Variants in AIPL1 observed in about 807,000 individuals in gnomAD.
AIPL1 encodes AIP like 1 HSP90 co-chaperone.
AIPL1 carries 23 observed loss-of-function variants against 32.9 expected under a neutral mutation model. That is an observed-to-expected ratio of 0.70 (90% CI 0.50 to 0.99). The LOEUF is 0.99. AIPL1 is among the 50% of genes least tolerant of loss of function. The probability of loss-of-function intolerance (pLI) is 0.00; values close to 1 mark genes in which losing one functional copy is unlikely to be tolerated. For synonymous variants in AIPL1, 210 were observed against 209.4 expected (o/e 1.00, Z -0.02); for missense variants, 485 against 506.0 (o/e 0.96, Z 0.40).
chr17:6,429,831 GATAGATAGATAGATAGA>G (rs1567640447), intron 2 of AIPL1, among the ~76,000 whole-genome samples: 254 of 117,458 alleles, frequency 2.2e-3, no homozygotes, highest in African/African-American at 7.0e-3. Flanking sequence ...TAGGTAGATA[GATAGATAGATAGATAGA>G]TAGATAGATA....
rs151204387 is a variant in AIPL1, at chr17:6,428,479, G to T, written c.304C>A (p.Arg102=). The part of the protein sequence containing the change: ...IHTGVYPILS[R]SLRQMAQGKD... ...CCCTGGGCCATCTGCCTCAGGCTCCGGGATAGGATGGGGTAGACCCCCGTG... is the reference window on the plus strand; with the variant it reads ...CCCTGGGCCATCTGCCTCAGGCTCCTGGATAGGATGGGGTAGACCCCCGTG... Residue 102 remains arginine, a synonymous_variant, in exon 3 of 6, where the codon CGG becomes AGG. Transcript: ENST00000381129. 6.2e-7 allele frequency: 1 copy of T among 1,613,962 alleles called. No homozygotes were observed. The highest frequency in any genetic ancestry group is 8.5e-7 in the Non-Finnish European group (1 of 1,180,016).
chr17:6,427,324 T>C (rs560602459), intron 3 of AIPL1, among the ~76,000 whole-genome samples: 130 of 152,336 alleles, frequency 8.5e-4, no homozygotes, highest in African/African-American at 3.0e-3. Flanking sequence ...GTTAGAACAA[T>C]ACACTATTGC....
At chr17:6,433,611 T>TCTCTCTCTCTCACACACA (rs758622569) in intron 2 of AIPL1, among the ~76,000 whole-genome samples, 1 of 106,258 alleles carries the variant, frequency 9.4e-6, no homozygotes, top group African/African-American at 3.7e-5. Flanking sequence ...TCTCTCTCTC[T>TCTCTCTCTCTCACACACA]CACACACACA....
At chr17:6,425,903 T>A (rs946071924) in intron 5 of AIPL1, 73 bp from the exon 6 acceptor site, 1 of 1,542,628 alleles carries the variant, frequency 6.5e-7, no homozygotes, top group Non-Finnish European at 8.7e-7. Context: ...CAGCTGGGAC[T>A]CACCAGCCTC....
At position 6,425,262 on chromosome 17, in the gene AIPL1, G is replaced by T; in HGVS notation, c.*198C>A. 1 of 618,120 alleles carries T rather than the reference G, an allele frequency of 1.6e-6. No individual in the cohort carries two copies. The highest frequency in any genetic ancestry group is 2.5e-6 in the Non-Finnish European group (1 of 393,738). 38.3% of individuals were successfully genotyped at this position (618,120 alleles called of 1,614,324 possible). On this transcript the variant is annotated 3_prime_UTR_variant, in exon 6 of 6. Coordinates refer to ENST00000381129, the MANE Select transcript of AIPL1 (RefSeq NM_014336.5). Reference sequence around the variant, plus strand: ...CACGGAAGGAATGAGAGGGGTAGAGGAGAAAACTACTTTTATTCATAAGCT... The same window carrying T: ...CACGGAAGGAATGAGAGGGGTAGAGTAGAAAACTACTTTTATTCATAAGCT...
chr17:6,431,739 T>C (rs1337583089), intron 2 of AIPL1, among the ~76,000 whole-genome samples: 1 of 152,140 alleles, frequency 6.6e-6, no homozygotes, highest in African/African-American at 2.4e-5. Context: ...CTGCCACCAA[T>C]GGTGAAAGTC....
chr17:6,432,756 GAGTAGC>G (rs1192693885), intron 2 of AIPL1, among the ~76,000 whole-genome samples: 3 of 151,904 alleles, frequency 2.0e-5, no homozygotes, highest in Admixed American at 6.6e-5. Context: ...TCAGCCTCCT[GAGTAGC>G]TGGGATTACA....
At chr17:6,426,434 G>C (rs977898044) in intron 5 of AIPL1, 181 bp downstream of exon 5, 2 of 1,462,712 alleles carry the variant, frequency 1.4e-6, no homozygotes, top group Non-Finnish European at 1.8e-6. Flanking sequence ...GCCGCCCCGC[G>C]CCAAGCACTG....
intron 2 of AIPL1, among the ~76,000 whole-genome samples, chr17:6,433,034 T>A (rs1270862430): frequency 6.6e-6 from 1 of 152,048 alleles, no homozygotes; most frequent in Non-Finnish European, 1.5e-5. Flanking sequence ...CAGCCGCGGG[T>A]TGATGGTGGC....
intron 1 of AIPL1, 123 bp downstream of exon 1, chr17:6,434,886 C>T (rs777494254): frequency 2.0e-6 from 3 of 1,526,088 alleles, no homozygotes; most frequent in East Asian, 2.4e-5. Context: ...GGAGGCCCAG[C>T]GCTGGGGCTG....
At position 6,425,296 on chromosome 17, in the gene AIPL1, C is replaced by A. The variant is rs1166950496; in HGVS notation, c.*164G>T. ...ACTTTTATTCATAAGCTCTTCTGTA[C>A]CCTTGGGATTGTTTTTTTTTTTTTT... On this transcript the variant is annotated 3_prime_UTR_variant, in exon 6 of 6. Transcript: ENST00000381129. 6 of 897,208 alleles carry A rather than the reference C, an allele frequency of 6.7e-6. No individual in the cohort carries two copies. The African/African-American group carries it at 1.1e-4, about 16-fold the overall frequency. The allele number at this position is 897,208 out of a possible 1,614,324, so 55.6% of individuals were successfully genotyped here. A position where few individuals can be genotyped will look rare whatever the true frequency, so the allele number is the denominator to read the frequency against.
At chr17:6,427,665 C>T (rs1196487251) in intron 3 of AIPL1, among the ~76,000 whole-genome samples, 2 of 152,138 alleles carry the variant, frequency 1.3e-5, no homozygotes, top group South Asian at 2.1e-4. Context: ...CCTCTCCCGC[C>T]ACTAGAGAAC....
At chr17:6,432,132 C>G (rs1567642345) in intron 2 of AIPL1, among the ~76,000 whole-genome samples, 1 of 152,174 alleles carries the variant, frequency 6.6e-6, no homozygotes, top group Non-Finnish European at 1.5e-5. Flanking sequence ...GGCCTGTAAT[C>G]CCAGCACTTT....
chr17:6,428,501 C>T lies in AIPL1; in HGVS notation c.282G>A (p.Thr94=), dbSNP rs367611167. The change falls in exon 3 of 6, where the codon ACG becomes ACA. Residue 94 remains threonine (T), a synonymous_variant. Transcript: ENST00000381129. ...VAEFWCDTIH[T]GVYPILSRSL... The stretch of plus-strand genomic sequence containing the variant: ...TCCGGGATAGGATGGGGTAGACCCC[C>T]GTGTGCTGTGGGGATAAACGGATGG... 17 of 1,613,782 alleles carry T rather than the reference C, an allele frequency of 1.1e-5. No homozygotes were observed. Among genetic ancestry groups the T allele is most frequent in the Middle Eastern group, 1.6e-4 (1 of 6,084 alleles).
At chr17:6,432,507 T>A (rs757533178) in intron 2 of AIPL1, among the ~76,000 whole-genome samples, 1 of 152,204 alleles carries the variant, frequency 6.6e-6, no homozygotes, top group Non-Finnish European at 1.5e-5. Context: ...AACTCATTCA[T>A]TTATAAAGAA....
Position 6,425,240 on chromosome 17 carries a change from G to A in AIPL1, c.*220C>T, listed in dbSNP as rs770728890. ...ACAGGGTCAATTAAAACCATGGCAC[G>A]GAAGGAATGAGAGGGGTAGAGGAGA... On this transcript the variant is annotated 3_prime_UTR_variant, in exon 6 of 6. Transcript: ENST00000381129. The A allele has an allele frequency of 1.0e-5, 5 of 481,898 alleles. No individual in the cohort carries two copies. The highest frequency in any genetic ancestry group is 2.0e-5 in the African/African-American group (1 of 50,912). The allele number at this position is 481,898 out of a possible 1,614,324, so 29.9% of individuals were successfully genotyped here.
intron 2 of AIPL1, among the ~76,000 whole-genome samples, chr17:6,431,955 A>G (rs1056695629): frequency 6.6e-6 from 1 of 152,236 alleles, no homozygotes; most frequent in Non-Finnish European, 1.5e-5. Flanking sequence ...CCCACTTTCA[A>G]TTTATCAAAA....
At position 6,434,112 on chromosome 17, in the gene AIPL1, C is replaced by T. The variant is rs770614172; in HGVS notation, c.97-14G>A. 9.6e-5 allele frequency: 155 copies of T among 1,611,376 alleles called. No individual in the cohort carries two copies. The highest frequency in any genetic ancestry group is 1.6e-4 in the Middle Eastern group (1 of 6,080). ...ATGAAAGATCACCTAGTCACCGAGA[C>T]GGTGCACTCTGCTCTAGACACACTG... On this transcript the variant is annotated splice_polypyrimidine_tract_variant and intron_variant, in intron 1 of 5. Transcript: ENST00000381129.
In AIPL1 at chr17:6,426,952, G is replaced by A. The variant is rs545809116; in HGVS notation, c.571C>T (p.Leu191=). ...GAAGAGGCCTCCTCGTAGCGGCCCA[G>A]CTTGAAGAGCCGATTTCCCTCTCCG... is the stretch of plus-strand genomic sequence containing the variant. ...LHGEGNRLFK[L]GRYEEASSKY... The change falls in exon 4 of 6, where the codon CTG becomes TTG. Residue 191 remains leucine (L), a synonymous_variant. Transcript: ENST00000381129. 1 of 1,614,242 alleles carries A rather than the reference G, an allele frequency of 6.2e-7. No homozygotes were observed. Among genetic ancestry groups the A allele is most frequent in the Admixed American group, 1.7e-5 (1 of 60,036 alleles).
Sources: gnomAD v4.1 joint callset for allele counts (sites outside exome capture counted in the v4.1 genomes callset) on GRCh38, gnomAD v4.1.1 for gene constraint, MANE v1.5 for transcripts, NCBI Gene and HGNC (gene_info 2026-07-23, HGNC 2026-07-21) for gene names.